GLRA3: variants seen among roughly 807,000 people sequenced by gnomAD.
GLRA3 encodes glycine receptor alpha 3.
Under a neutral mutation model 60.4 loss-of-function variants are expected in GLRA3, and 44 were observed. The observed-to-expected ratio is 0.73, with a 90% CI of 0.57 to 0.94. GLRA3 has a LOEUF of 0.94. Ranked by LOEUF, GLRA3 falls within the 40% of genes least tolerant of loss-of-function variation. The pLI, the probability that GLRA3 is intolerant of heterozygous loss-of-function variation, is 0.00. For missense variants in GLRA3, 508 were observed against 564.6 expected (o/e 0.90, Z 1.02); for synonymous variants, 223 against 192.9 (o/e 1.16, Z -1.29).
chr4:174,703,222 T>G (rs1173335802), intron 5 of GLRA3, among the ~76,000 whole-genome samples: 1 of 152,186 alleles, frequency 6.6e-6, no homozygotes, highest in Non-Finnish European at 1.5e-5. Context: ...GTGGAACATT[T>G]GTCATACAAA....
At position 174,689,756 on chromosome 4, in the gene GLRA3, T is replaced by TAAAAAAAAAAAAAAAAA. The variant is rs553306775; in HGVS notation, c.575-6834_575-6818dup. 1.8e-4 allele frequency among the ~76,000 whole-genome samples: 7 copies of TAAAAAAAAAAAAAAAAA among 39,540 alleles called. 1 individual carries two copies. The highest frequency in any genetic ancestry group is 8.3e-4 in the East Asian group (1 of 1,212). The allele number at this position is 39,540 out of a possible 152,430, so 25.9% of individuals were successfully genotyped here. ...AAAGGCACAGAGTGGTAAGTCGCATTAAAAAAAAAAAAAAAAAAAAAAAAA... is the reference window on the plus strand; with the variant it reads ...AAAGGCACAGAGTGGTAAGTCGCATTAAAAAAAAAAAAAAAAAAAAAAAAAAAAAAAAAAAAAAAAAA... On this transcript the variant is annotated intron_variant, in intron 5 of 9. Coordinates refer to ENST00000274093, the MANE Select transcript of GLRA3 (RefSeq NM_006529.4).
chr4:174,810,045 A>G (rs1336733726), intron 1 of GLRA3, among the ~76,000 whole-genome samples: 6 of 152,192 alleles, frequency 3.9e-5, no homozygotes, highest in Non-Finnish European at 8.8e-5. Context: ...TTGAAAATGT[A>G]CAATGTGTCG....
intron 3 of GLRA3, among the ~76,000 whole-genome samples, chr4:174,761,226 A>T (rs1436122911): frequency 2.6e-5 from 4 of 152,118 alleles, no homozygotes; most frequent in African/African-American, 9.7e-5. Context: ...TTCCCTTAAC[A>T]TATATATAGA....
intron 2 of GLRA3, among the ~76,000 whole-genome samples, chr4:174,786,645 T>C (rs958970572): frequency 1.3e-5 from 2 of 152,202 alleles, no homozygotes; most frequent in Non-Finnish European, 2.9e-5. Context: ...ATATACTTAA[T>C]TAGGGAGTAG....
At chr4:174,822,723 G>A (rs1023627753) in intron 1 of GLRA3, among the ~76,000 whole-genome samples, 1 of 152,192 alleles carries the variant, frequency 6.6e-6, no homozygotes, top group East Asian at 1.9e-4. Context: ...TATGGCAAAT[G>A]TTTGTATGTA....
At chr4:174,663,825 C>T (rs931886418) in intron 7 of GLRA3, among the ~76,000 whole-genome samples, 1 of 152,176 alleles carries the variant, frequency 6.6e-6, no homozygotes, top group Non-Finnish European at 1.5e-5. Flanking sequence ...CTTCTTTGCT[C>T]CCCCTCCTGT....
chr4:174,725,571 C>T (rs1021434876), intron 4 of GLRA3, among the ~76,000 whole-genome samples: 1 of 152,176 alleles, frequency 6.6e-6, no homozygotes, highest in African/African-American at 2.4e-5. Flanking sequence ...ACCGCTGCCT[C>T]TTAGGCTCAA....
At chr4:174,740,655 A>G (rs1348947271) in intron 3 of GLRA3, among the ~76,000 whole-genome samples, 9 of 152,198 alleles carry the variant, frequency 5.9e-5, no homozygotes, top group Admixed American at 3.9e-4. Context: ...GATAGAGCTT[A>G]CATACAGATC....
intron 3 of GLRA3, among the ~76,000 whole-genome samples, chr4:174,747,761 T>C (rs915035875): frequency 3.9e-5 from 6 of 152,060 alleles, no homozygotes; most frequent in Admixed American, 1.3e-4. Context: ...TTGGATATGA[T>C]GAGCTCCAGG....
chr4:174,730,048 A>T (rs1451748552), intron 3 of GLRA3, among the ~76,000 whole-genome samples: 1 of 152,192 alleles, frequency 6.6e-6, no homozygotes, highest in Non-Finnish European at 1.5e-5. Flanking sequence ...TACACACCAG[A>T]AAATATTTTT....
chr4:174,697,695 T>C (rs183250668), intron 5 of GLRA3, among the ~76,000 whole-genome samples: 17 of 152,326 alleles, frequency 1.1e-4, no homozygotes, highest in Admixed American at 3.3e-4. Flanking sequence ...TTTCCCCCTT[T>C]CTCTTGGGAA....
Position 174,642,210 on chromosome 4 carries a change from T to C in GLRA3, c.*1576A>G. On this transcript the variant is annotated 3_prime_UTR_variant, in exon 10 of 10. Coordinates refer to ENST00000274093, the MANE Select transcript of GLRA3 (RefSeq NM_006529.4). The stretch of plus-strand genomic sequence containing the variant: ...TTGTATAAGCTGATGTACAATAACA[T>C]TGTAAAGGTTTTAGTTTTAAATGGT... 1.1e-6 allele frequency: 1 copy of C among 869,686 alleles called. No individual in the cohort carries two copies. The highest frequency in any genetic ancestry group is 1.4e-6 in the Non-Finnish European group (1 of 724,398). The allele number at this position is 869,686 out of a possible 1,614,324, so 53.9% of individuals were successfully genotyped here.
intron 3 of GLRA3, among the ~76,000 whole-genome samples, chr4:174,753,310 G>C (rs1737559864): frequency 1.3e-5 from 2 of 152,104 alleles, no homozygotes; most frequent in South Asian, 4.1e-4. Context: ...GAACGGTCCA[G>C]AGAGCTACAG....
chr4:174,725,475 T>G (rs1736287730), intron 4 of GLRA3, among the ~76,000 whole-genome samples: 2 of 152,190 alleles, frequency 1.3e-5, no homozygotes, highest in African/African-American at 2.4e-5. Flanking sequence ...TTGCCAGATA[T>G]CTAACATTTT....
chr4:174,649,620 TG>T (rs1484235634), intron 9 of GLRA3, among the ~76,000 whole-genome samples: 1 of 152,172 alleles, frequency 6.6e-6, no homozygotes, highest in Non-Finnish European at 1.5e-5. Context: ...TAGAATAGCC[TG>T]TCTGGCCTAC....
chr4:174,814,319 A>G (rs1447968134), intron 1 of GLRA3, among the ~76,000 whole-genome samples: 3 of 152,136 alleles, frequency 2.0e-5, no homozygotes, highest in Non-Finnish European at 4.4e-5. Context: ...GCGGAGCTGG[A>G]AAGGGGATGA....
intron 3 of GLRA3, among the ~76,000 whole-genome samples, chr4:174,736,897 G>T (rs1736812504): frequency 6.6e-6 from 1 of 152,042 alleles, no homozygotes. Flanking sequence ...TAACTTTCAG[G>T]CATAAAACTA....
intron 6 of GLRA3, among the ~76,000 whole-genome samples, chr4:174,677,508 C>T (rs1325061672): frequency 6.6e-6 from 1 of 150,520 alleles, no homozygotes; most frequent in Non-Finnish European, 1.5e-5. Context: ...TACAGGCATG[C>T]ACCACCAAGC....
At chr4:174,677,043 G>C in intron 7 of GLRA3, 35 bp downstream of exon 7, 1 of 1,225,798 alleles carries the variant, frequency 8.2e-7, no homozygotes, top group East Asian at 2.3e-5. Context: ...ATAAGTGTGT[G>C]TGCAAAGATG....
Sources: gnomAD v4.1 joint callset for allele counts (sites outside exome capture counted in the v4.1 genomes callset) on GRCh38, gnomAD v4.1.1 for gene constraint, MANE v1.5 for transcripts, NCBI Gene and HGNC (gene_info 2026-07-23, HGNC 2026-07-21) for gene names.